EMG1: variants seen among roughly 807,000 people sequenced by gnomAD.
The protein encoded by EMG1 is ribosomal RNA small subunit methyltransferase NEP1.
In EMG1, 24 loss-of-function variants were observed where a neutral mutation model predicts 26.9. That is an observed-to-expected ratio of 0.89 (90% CI 0.65 to 1.26). The LOEUF (loss-of-function observed/expected upper bound fraction) is 1.26, where lower values mean the gene tolerates loss of function less well. Among genes scored for constraint, EMG1 ranks in the 50% most tolerant of loss-of-function variants. The probability of loss-of-function intolerance (pLI) is 0.00; values close to 1 mark genes in which losing one functional copy is unlikely to be tolerated. For synonymous variants in EMG1, 140 were observed against 112.6 expected (o/e 1.24, Z -1.54); for missense variants, 299 against 307.6 (o/e 0.97, Z 0.21).
downstream of EMG1, among the ~76,000 whole-genome samples, chr12:6,991,789 T>C (rs1946592283): frequency 2.0e-5 from 3 of 152,216 alleles, no homozygotes; most frequent in South Asian, 6.2e-4. Flanking sequence ...GCTAAATCAA[T>C]ATGCAACTTG....
rs1013072744 is a variant in EMG1, at chr12:6,977,903, T to C, written c.*2094T>C. On this transcript the variant is annotated 3_prime_UTR_variant, in exon 6 of 6. Transcript: ENST00000599672. The surrounding 1 kb of genome is among the most constrained non-coding windows in gnomAD (Gnocchi z 4.5). ...AGGAGGCAGTGCTGACTGATTACTT[T>C]TAGAGATGGAAAGCAGACCCAAGGC... is the stretch of plus-strand genomic sequence containing the variant. 4.3e-5 allele frequency: 36 copies of C among 835,586 alleles called. No homozygotes were observed. The highest frequency in any genetic ancestry group is 6.4e-5 in the Non-Finnish European group (34 of 535,010). 51.8% of individuals were successfully genotyped at this position (835,586 alleles called of 1,614,324 possible). A position where few individuals can be genotyped will look rare whatever the true frequency, so the allele number is the denominator to read the frequency against.
Position 6,977,508 on chromosome 12 carries a change from T to G in EMG1, c.*1699T>G. The G allele has an allele frequency of 2.5e-6, 4 of 1,614,176 alleles. No individual in the cohort carries two copies. In the South Asian group the frequency reaches 4.4e-5, roughly 18 times the overall value. ...CCAGCTTGCTCAGGGTGGGGCTCTC[T>G]TGAATGAGCCTGGCAGCCTGGGGAG... On this transcript the variant is annotated 3_prime_UTR_variant, in exon 6 of 6. Coordinates refer to ENST00000599672, the MANE Select transcript of EMG1 (RefSeq NM_006331.8). This position sits in a 1 kb window ranked among gnomAD's most constrained non-coding sequence, Gnocchi z 4.5.
chr12:6,979,803 G>A lies in EMG1; in HGVS notation c.*3994G>A, dbSNP rs898120139. On this transcript the variant is annotated 3_prime_UTR_variant, in exon 6 of 6. Coordinates refer to ENST00000599672, the MANE Select transcript of EMG1 (RefSeq NM_006331.8). ...CTCTTAAGAGTTGTAGGAAAGTCAG[G>A]GCAGCAGACAGTGGACCAGTCTTGT... 34 of 566,512 alleles carry A rather than the reference G, an allele frequency of 6.0e-5. No individual in the cohort carries two copies. Among genetic ancestry groups the A allele is most frequent in the Non-Finnish European group, 9.8e-5 (31 of 316,312 alleles). The allele number at this position is 566,512 out of a possible 1,614,324, so 35.1% of individuals were successfully genotyped here.
downstream of EMG1, chr12:6,983,553 A>G: frequency 6.6e-7 from 1 of 1,519,050 alleles, no homozygotes; most frequent in East Asian, 2.3e-5. Flanking sequence ...GATGGGGGAA[A>G]AGATAAGAAG....
In EMG1 at chr12:6,970,951, C is replaced by T. The variant is rs1320278594; in HGVS notation, c.28C>T (p.Pro10Ser). The T allele has an allele frequency of 8.1e-6, 13 of 1,613,050 alleles. No individual in the cohort carries two copies. The highest frequency in any genetic ancestry group is 3.3e-5 in the Admixed American group (2 of 59,884). MAAPSDGFK[P>S]RERSGGEQAQ... The stretch of plus-strand genomic sequence containing the variant: ...GGCCGCGCCCAGTGATGGATTCAAG[C>T]CTCGTGAACGAAGCGGTGGGGAGCA... Residue 10 changes from proline to serine, a missense_variant, in exon 1 of 6, where the codon CCT becomes TCT. Coordinates refer to ENST00000599672, the MANE Select transcript of EMG1 (RefSeq NM_006331.8).
Position 6,978,740 on chromosome 12 carries a change from TTCTC to T in EMG1, c.*2934_*2937del. On this transcript the variant is annotated 3_prime_UTR_variant, in exon 6 of 6. Transcript: ENST00000599672. ...TAGGGATATCACATGACTAGGCAGT[TTCTC>T]TCAGCACTCTTCCTTTTCACACTTG... is the stretch of plus-strand genomic sequence containing the variant. The T allele has an allele frequency of 6.2e-7, 1 of 1,604,604 alleles. No individual in the cohort carries two copies. The highest frequency in any genetic ancestry group is 8.5e-7 in the Non-Finnish European group (1 of 1,174,930).
At chr12:6,982,906 C>A, downstream of EMG1, 1 of 678,524 alleles carries the variant, frequency 1.5e-6, no homozygotes. Flanking sequence ...AGAATAACCT[C>A]ATGTTTTGGA....
chr12:6,991,288 C>T (rs1272270375), downstream of EMG1, among the ~76,000 whole-genome samples: 2 of 152,122 alleles, frequency 1.3e-5, no homozygotes, highest in Non-Finnish European at 2.9e-5. Flanking sequence ...TATTCTTTAG[C>T]GCTACATCAA....
intron 6 of EMG1, among the ~76,000 whole-genome samples, chr12:6,985,304 G>A (rs1946511787): frequency 6.6e-6 from 1 of 152,042 alleles, no homozygotes; most frequent in Admixed American, 6.6e-5. Flanking sequence ...GCTGAGGCAG[G>A]AGAATGGCAT....
At chr12:6,982,291 G>A (rs1555154209), downstream of EMG1, among the ~76,000 whole-genome samples, 3 of 152,120 alleles carry the variant, frequency 2.0e-5, no homozygotes, top group African/African-American at 7.2e-5. Context: ...TGACTGCCTT[G>A]GCCTCCCAAG....
rs781388658 is a variant in EMG1, at chr12:6,976,605, C to T, written c.*796C>T. On this transcript the variant is annotated 3_prime_UTR_variant, in exon 6 of 6. Coordinates refer to ENST00000599672, the MANE Select transcript of EMG1 (RefSeq NM_006331.8). ...CTGGGCATGGTGGCGTGCCTGTATTCCCAGCTACTTGGGAGGCTGAGGCAG... is the reference window on the plus strand; with the variant it reads ...CTGGGCATGGTGGCGTGCCTGTATTTCCAGCTACTTGGGAGGCTGAGGCAG... 1.6e-3 allele frequency: 243 copies of T among 148,816 alleles called. No individual in the cohort carries two copies. Among genetic ancestry groups the T allele is most frequent in the Non-Finnish European group, 2.9e-3 (189 of 66,276 alleles). The allele number at this position is 148,816 out of a possible 1,614,324, so 9.2% of individuals were successfully genotyped here. A position where few individuals can be genotyped will look rare whatever the true frequency, so the allele number is the denominator to read the frequency against.
chr12:6,978,557 C>T lies in EMG1; in HGVS notation c.*2748C>T. 6.2e-7 allele frequency: 1 copy of T among 1,613,194 alleles called. No homozygotes were observed. The highest frequency in any genetic ancestry group is 8.5e-7 in the Non-Finnish European group (1 of 1,179,374). ...GCTCTTGCCACTCCCCATACTGGCC[C>T]CCATGGCTTGTCTAAATAGGACCTT... On this transcript the variant is annotated 3_prime_UTR_variant, in exon 6 of 6. Transcript: ENST00000599672.
At position 6,978,848 on chromosome 12, in the gene EMG1, CAG is replaced by C. The variant is rs1555153676; in HGVS notation, c.*3044_*3045del. ...CTGGCCTGATTGCCTTCACAATAGG[CAG>C]AGAGGAATAAGCAGAGGGCCTGGAG... On this transcript the variant is annotated 3_prime_UTR_variant, in exon 6 of 6. Transcript: ENST00000599672. The C allele has an allele frequency of 6.0e-6, 6 of 994,404 alleles. No individual in the cohort carries two copies. The highest frequency in any genetic ancestry group is 2.8e-5 in the Admixed American group (1 of 35,318). The allele number at this position is 994,404 out of a possible 1,614,324, so 61.6% of individuals were successfully genotyped here.
chr12:6,978,246 G>T lies in EMG1; in HGVS notation c.*2437G>T. 7.1e-7 allele frequency: 1 copy of T among 1,418,102 alleles called. No homozygotes were observed. Among genetic ancestry groups the T allele is most frequent in the Non-Finnish European group, 9.6e-7 (1 of 1,045,784 alleles). The allele number at this position is 1,418,102 out of a possible 1,614,324, so 87.8% of individuals were successfully genotyped here. The stretch of plus-strand genomic sequence containing the variant: ...CAGGGGGTTCTGCCCAGATGGGAAA[G>T]ACGCATAGGGGTGACATGGTACACC... On this transcript the variant is annotated 3_prime_UTR_variant, in exon 6 of 6. Transcript: ENST00000599672.
chr12:6,988,842 G>GTT (rs1470162626), downstream of EMG1, among the ~76,000 whole-genome samples: 21 of 152,040 alleles, frequency 1.4e-4, no homozygotes. Flanking sequence ...GTAAGAACTT[G>GTT]TTGGCCGGGC....
In EMG1 at chr12:6,978,822, T is replaced by G. The variant is rs1946438375; in HGVS notation, c.*3013T>G. On this transcript the variant is annotated 3_prime_UTR_variant, in exon 6 of 6. Transcript: ENST00000599672. Reference sequence around the variant, plus strand: ...TCCTGCTGCCAGATGCCCTCAATAGTCTGGCCTGATTGCCTTCACAATAGG... The same window carrying G: ...TCCTGCTGCCAGATGCCCTCAATAGGCTGGCCTGATTGCCTTCACAATAGG... 1 of 1,315,988 alleles carries G rather than the reference T, an allele frequency of 7.6e-7. No homozygotes were observed. The highest frequency in any genetic ancestry group is 1.0e-6 in the Non-Finnish European group (1 of 969,330). 81.5% of individuals were successfully genotyped at this position (1,315,988 alleles called of 1,614,324 possible).
chr12:6,978,298 G>C lies in EMG1; in HGVS notation c.*2489G>C, dbSNP rs199579835. 1 of 1,572,002 alleles carries C rather than the reference G, an allele frequency of 6.4e-7. No homozygotes were observed. The highest frequency in any genetic ancestry group is 1.4e-5 in the African/African-American group (1 of 73,886). Reference sequence around the variant, plus strand: ...CTGCCCTCCAATCTGGGAAGACAGTGGAAGGAAGGAACCAGGGTCCAGGCT... The same window carrying C: ...CTGCCCTCCAATCTGGGAAGACAGTCGAAGGAAGGAACCAGGGTCCAGGCT... On this transcript the variant is annotated 3_prime_UTR_variant, in exon 6 of 6. Transcript: ENST00000599672.
chr12:6,974,418 C>G lies in EMG1; in HGVS notation c.248C>G (p.Ala83Gly), dbSNP rs782422549. 5.1e-5 allele frequency: 83 copies of G among 1,613,620 alleles called. No individual in the cohort carries two copies. The Middle Eastern group carries it at 1.2e-3, about 22-fold the overall frequency. The change falls in exon 2 of 6, where the codon GCG becomes GGG. Residue 83 changes from alanine (A) to glycine (G), a missense_variant. Coordinates refer to ENST00000599672, the MANE Select transcript of EMG1 (RefSeq NM_006331.8). Reference protein sequence around the residue: ...LLKNGRDPGEARPDITHQSLL... With the variant: ...LLKNGRDPGEGRPDITHQSLL... ...AAGAATGGACGGGACCCTGGGGAAGCGCGGCCAGATATCACCCACCAGGTA... is the reference window on the plus strand; with the variant it reads ...AAGAATGGACGGGACCCTGGGGAAGGGCGGCCAGATATCACCCACCAGGTA...
intron 6 of EMG1, among the ~76,000 whole-genome samples, chr12:6,986,833 G>A (rs1343670530): frequency 6.6e-6 from 1 of 150,442 alleles, no homozygotes; most frequent in Non-Finnish European, 1.5e-5. Context: ...TACACCTGTC[G>A]GCCGGGTGCG....
Sources: allele counts gnomAD v4.1 joint callset (sites outside exome capture counted in the v4.1 genomes callset), GRCh38; gene constraint gnomAD v4.1.1; non-coding constraint Gnocchi (gnomAD v3.1); transcripts MANE v1.5; gene names NCBI Gene and HGNC (gene_info 2026-07-23, HGNC 2026-07-21).